Variants in STK39 observed in about 807,000 individuals in gnomAD.
The protein encoded by STK39 is STE20/SPS1-related proline-alanine-rich protein kinase.
In STK39, 20 loss-of-function variants were observed where a neutral mutation model predicts 77.8. The ratio of observed to expected loss-of-function variants is 0.26; its 90% confidence interval spans 0.18 to 0.37. The LOEUF is 0.37. STK39 is among the 10% of genes least tolerant of loss of function. STK39 has a pLI of 1.00. For synonymous variants in STK39, 246 were observed against 234.1 expected, an observed-to-expected ratio of 1.05 and a Z score of -0.47; for missense variants, 479 against 656.5, an observed-to-expected ratio of 0.73 and a Z score of 2.95.
At chr2:168,036,788 A>AT (rs1015552395) in intron 14 of STK39, among the ~76,000 whole-genome samples, 6 of 152,224 alleles carry the variant, frequency 3.9e-5, no homozygotes, top group Admixed American at 3.9e-4. Flanking sequence ...GGGTAGGCGC[A>AT]TGCTCCAAGT....
At chr2:168,121,642 C>T (rs1287837462) in intron 10 of STK39, among the ~76,000 whole-genome samples, 2 of 152,194 alleles carry the variant, frequency 1.3e-5, no homozygotes, top group Non-Finnish European at 2.9e-5. Flanking sequence ...ACCTTCAATA[C>T]CCATCTGCAC....
At chr2:168,103,364 A>G (rs960167289) in intron 10 of STK39, among the ~76,000 whole-genome samples, 17 of 152,348 alleles carry the variant, frequency 1.1e-4, no homozygotes, top group African/African-American at 3.8e-4. Context: ...AAAGAAATAA[A>G]CACATCAAAA....
At chr2:168,094,221 C>T (rs1413765133) in intron 10 of STK39, among the ~76,000 whole-genome samples, 1 of 152,210 alleles carries the variant, frequency 6.6e-6, no homozygotes, top group Non-Finnish European at 1.5e-5. Context: ...ATTCACACTG[C>T]CAACTTTCAT....
intron 1 of STK39, among the ~76,000 whole-genome samples, chr2:168,183,367 C>G (rs143377743): frequency 8.1e-4 from 123 of 152,272 alleles, no homozygotes; most frequent in Middle Eastern, 3.4e-3. Context: ...ACAGTAGACA[C>G]TTGACTCCTT....
At chr2:168,013,738 A>G (rs560947573) in intron 15 of STK39, among the ~76,000 whole-genome samples, 9 of 151,860 alleles carry the variant, frequency 5.9e-5, no homozygotes, top group Non-Finnish European at 7.4e-5. Flanking sequence ...CTAACCATAA[A>G]CTGCATTTCC....
intron 1 of STK39, among the ~76,000 whole-genome samples, chr2:168,245,998 C>T (rs1690889268): frequency 6.6e-6 from 1 of 151,890 alleles, no homozygotes. Flanking sequence ...CTGTTTTATT[C>T]CCCAATAGCA....
At chr2:168,161,749 G>A (rs757029856) in intron 5 of STK39, 38 bp downstream of exon 5, 22 of 1,489,032 alleles carry the variant, frequency 1.5e-5, no homozygotes, top group Admixed American at 7.3e-5. Flanking sequence ...TAACACTTCC[G>A]TAATCAAGTA....
intron 16 of STK39, among the ~76,000 whole-genome samples, chr2:167,997,085 A>G (rs985314262): frequency 6.7e-6 from 1 of 149,942 alleles, no homozygotes; most frequent in Non-Finnish European, 1.5e-5. Context: ...GAGTGTCTGT[A>G]TTTATTCTGT....
intron 14 of STK39, among the ~76,000 whole-genome samples, chr2:168,062,246 G>A (rs1378694310): frequency 2.0e-5 from 3 of 152,200 alleles, no homozygotes; most frequent in African/African-American, 7.2e-5. Flanking sequence ...CTGGCACAGA[G>A]CTCCTGGCGC....
At position 167,954,764 on chromosome 2, in the gene STK39, C is replaced by T. The variant is rs529398111; in HGVS notation, c.*732G>A. 6.5e-6 allele frequency: 1 copy of T among 152,680 alleles called. No homozygotes were observed. The highest frequency in any genetic ancestry group is 1.9e-4 in the East Asian group (1 of 5,170). The allele number at this position is 152,680 out of a possible 1,614,324, so 9.5% of individuals were successfully genotyped here. On this transcript the variant is annotated 3_prime_UTR_variant, in exon 18 of 18. Transcript: ENST00000355999. ...GTCAGATTGTAAATTGGTTTTTAGG[C>T]AAACAGACTAAAAGAATAAGCATCC... is the stretch of plus-strand genomic sequence containing the variant.
chr2:167,985,428 G>A (rs1430897189), intron 16 of STK39, among the ~76,000 whole-genome samples: 1 of 152,172 alleles, frequency 6.6e-6, no homozygotes, highest in Non-Finnish European at 1.5e-5. Flanking sequence ...TGTTACAAGG[G>A]TCATGCCAGG....
intron 5 of STK39, among the ~76,000 whole-genome samples, chr2:168,161,270 T>C (rs1367404993): frequency 1.3e-5 from 2 of 152,182 alleles, no homozygotes; most frequent in South Asian, 2.1e-4. Context: ...TCACCTGATA[T>C]TGTGTGTTCA....
chr2:167,992,876 T>C (rs75953915), intron 16 of STK39, among the ~76,000 whole-genome samples: 30 of 152,312 alleles, frequency 2.0e-4, no homozygotes, highest in African/African-American at 7.2e-4. Context: ...TAAACACATA[T>C]AGCATACATA....
At chr2:167,971,752 A>T (rs1353531705) in intron 16 of STK39, among the ~76,000 whole-genome samples, 1 of 152,238 alleles carries the variant, frequency 6.6e-6, no homozygotes, top group Non-Finnish European at 1.5e-5. Context: ...CTGCAGCACC[A>T]ACTGGCTGAC....
chr2:168,138,048 T>G, intron 8 of STK39, 40 bp downstream of exon 8: 4 of 1,599,050 alleles, frequency 2.5e-6, no homozygotes, highest in African/African-American at 1.3e-5. Context: ...TTGTCATGGC[T>G]CAAACCAGGT....
intron 16 of STK39, among the ~76,000 whole-genome samples, chr2:168,004,376 G>T (rs1322996576): frequency 6.6e-6 from 1 of 152,108 alleles, no homozygotes; most frequent in East Asian, 1.9e-4. Flanking sequence ...GTGAGACTGG[G>T]AAAAAGGTAT....
Position 167,985,296 on chromosome 2 carries a change from G to C in STK39, c.1499-20570C>G, listed in dbSNP as rs532206090. Among the ~76,000 whole-genome samples the C allele has an allele frequency of 4.6e-5, 7 of 152,252 alleles. No homozygotes were observed. In the South Asian group the frequency reaches 1.2e-3, roughly 27 times the overall value. On this transcript the variant is annotated intron_variant, in intron 16 of 17. Transcript: ENST00000355999. ...CAAAGAAGATAAACAAACAACACTGGAAAAAACCTTTCTTCAGGGGAAGAA... is the reference window on the plus strand; with the variant it reads ...CAAAGAAGATAAACAAACAACACTGCAAAAAACCTTTCTTCAGGGGAAGAA...
At chr2:168,211,697 G>A (rs1186384042) in intron 1 of STK39, among the ~76,000 whole-genome samples, 4 of 152,158 alleles carry the variant, frequency 2.6e-5, no homozygotes, top group African/African-American at 4.8e-5. Flanking sequence ...CCTGTCTTAC[G>A]TCTCTGAGGA....
Position 167,964,528 on chromosome 2 carries a change from C to T in STK39, c.1563+134G>A, listed in dbSNP as rs1692092544. 5 of 833,030 alleles carry T rather than the reference C, an allele frequency of 6.0e-6. No individual in the cohort carries two copies. In the Admixed American group the frequency reaches 1.1e-4, roughly 18 times the overall value. The allele number at this position is 833,030 out of a possible 1,614,324, so 51.6% of individuals were successfully genotyped here. A position where few individuals can be genotyped will look rare whatever the true frequency, so the allele number is the denominator to read the frequency against. On this transcript the variant is annotated intron_variant, in intron 17 of 17. Coordinates refer to ENST00000355999, the MANE Select transcript of STK39 (RefSeq NM_013233.3). ...CTAACGCTGCAGAGTCAAATGCTTC[C>T]AAATGCAAAAATTGATTCTAAAAGA...
Sources: allele counts gnomAD v4.1 joint callset (sites outside exome capture counted in the v4.1 genomes callset), GRCh38; gene constraint gnomAD v4.1.1; transcripts MANE v1.5; gene names NCBI Gene and HGNC (gene_info 2026-07-23, HGNC 2026-07-21).